Variants in KSR2 observed in about 807,000 individuals in gnomAD.
The protein encoded by KSR2 is kinase suppressor of ras 2.
Under a neutral mutation model 107.8 loss-of-function variants are expected in KSR2, and 25 were observed. The observed-to-expected ratio is 0.23, with a 90% CI of 0.17 to 0.32. The LOEUF is 0.32. KSR2 is among the 10% of genes least tolerant of loss of function. The pLI is 1.00. For synonymous variants in KSR2, 480 were observed against 507.0 expected, an observed-to-expected ratio of 0.95 and a Z score of 0.71; for missense variants, 887 against 1,268.9, an observed-to-expected ratio of 0.70 and a Z score of 4.57.
intron 3 of KSR2, among the ~76,000 whole-genome samples, chr12:117,813,097 C>A (rs1253386321): frequency 6.6e-6 from 1 of 151,768 alleles, no homozygotes; most frequent in Non-Finnish European, 1.5e-5. Context: ...AAGAATGAAA[C>A]CAGACCCCCA....
intron 1 of KSR2, among the ~76,000 whole-genome samples, chr12:117,880,541 A>C (rs547326819): frequency 6.6e-6 from 1 of 152,184 alleles, no homozygotes; most frequent in South Asian, 2.1e-4. Flanking sequence ...CCTGAAGAAA[A>C]TGAGACAAGT....
chr12:117,576,079 GGCTTT>G (rs1879267341), intron 7 of KSR2, among the ~76,000 whole-genome samples: 1 of 152,010 alleles, frequency 6.6e-6, no homozygotes, highest in Non-Finnish European at 1.5e-5. Flanking sequence ...CAGGGCCTAA[GGCTTT>G]GCTCATGACT....
At chr12:117,534,903 G>A (rs967018373) in intron 10 of KSR2, among the ~76,000 whole-genome samples, 1 of 152,164 alleles carries the variant, frequency 6.6e-6, no homozygotes, top group Admixed American at 6.5e-5. Flanking sequence ...AAGGCAAGGA[G>A]ATGGATTCTC....
chr12:117,847,747 A>G (rs757514325), intron 3 of KSR2, among the ~76,000 whole-genome samples: 8 of 151,892 alleles, frequency 5.3e-5, no homozygotes, highest in Non-Finnish European at 1.2e-4. Context: ...CAGCATCCCC[A>G]CTGGGCACCC....
At chr12:117,590,667 C>G (rs1880265994) in intron 5 of KSR2, among the ~76,000 whole-genome samples, 1 of 152,128 alleles carries the variant, frequency 6.6e-6, no homozygotes, top group Non-Finnish European at 1.5e-5. Context: ...GCAAACTTGA[C>G]CCTCAGGCCA....
chr12:117,917,203 T>A (rs1895203934), intron 1 of KSR2, among the ~76,000 whole-genome samples: 1 of 152,196 alleles, frequency 6.6e-6, no homozygotes, highest in South Asian at 2.1e-4. Flanking sequence ...TGATAGATAT[T>A]TAAGTAACAT....
chr12:117,471,832 C>A (rs937164135), intron 17 of KSR2, among the ~76,000 whole-genome samples: 7 of 151,780 alleles, frequency 4.6e-5, no homozygotes, highest in Admixed American at 6.6e-5. Flanking sequence ...TAAAAAAAAG[C>A]AGGATATGAG....
At chr12:117,826,094 G>C (rs1184030768) in intron 3 of KSR2, among the ~76,000 whole-genome samples, 1 of 152,052 alleles carries the variant, frequency 6.6e-6, no homozygotes, top group African/African-American at 2.4e-5. Context: ...TGGAAGGAAG[G>C]AAAGAGCAAA....
chr12:117,750,653 T>A (rs963210059), intron 4 of KSR2, among the ~76,000 whole-genome samples: 1 of 152,120 alleles, frequency 6.6e-6, no homozygotes, highest in Non-Finnish European at 1.5e-5. Flanking sequence ...TTTGTCCCTC[T>A]CCCTTCTCTC....
At chr12:117,849,468 T>G (rs1443791080) in intron 3 of KSR2, among the ~76,000 whole-genome samples, 1 of 152,202 alleles carries the variant, frequency 6.6e-6, no homozygotes, top group East Asian at 1.9e-4. Flanking sequence ...AAGGAAAGGT[T>G]AAGCTATCCT....
chr12:117,746,745 A>AC (rs869227120), intron 4 of KSR2, among the ~76,000 whole-genome samples: 16 of 151,642 alleles, frequency 1.1e-4, no homozygotes, highest in African/African-American at 2.4e-5. Context: ...AGAAAAAAAA[A>AC]CCCCCATCAA....
chr12:117,613,341 C>A (rs1249392604), intron 5 of KSR2, among the ~76,000 whole-genome samples: 1 of 152,198 alleles, frequency 6.6e-6, no homozygotes, highest in Non-Finnish European at 1.5e-5. Context: ...CCCCATTGGC[C>A]TCCCCAGAAT....
intron 7 of KSR2, among the ~76,000 whole-genome samples, chr12:117,566,736 T>C (rs1423353378): frequency 2.0e-5 from 3 of 152,212 alleles, no homozygotes; most frequent in South Asian, 2.1e-4. Context: ...CCAAGGGCTA[T>C]GCTAGGCACT....
intron 3 of KSR2, among the ~76,000 whole-genome samples, chr12:117,763,819 A>C (rs982753195): frequency 6.6e-6 from 1 of 152,146 alleles, no homozygotes; most frequent in Non-Finnish European, 1.5e-5. Context: ...AGGGAGTTGC[A>C]AGAGATGATG....
chr12:117,782,076 G>C (rs773657092), intron 3 of KSR2, among the ~76,000 whole-genome samples: 2 of 152,172 alleles, frequency 1.3e-5, no homozygotes, highest in African/African-American at 2.4e-5. Context: ...AATTCGAATT[G>C]TTCTGTTGAT....
intron 9 of KSR2, among the ~76,000 whole-genome samples, chr12:117,546,806 A>T (rs1181995902): frequency 6.6e-6 from 1 of 152,172 alleles, no homozygotes; most frequent in Non-Finnish European, 1.5e-5. Flanking sequence ...TGTATGTTCT[A>T]AATTTTCTAA....
At chr12:117,826,018 CATGGAGGGATGGATGG>C (rs1891735657) in intron 3 of KSR2, among the ~76,000 whole-genome samples, 2 of 120,284 alleles carry the variant, frequency 1.7e-5, no homozygotes, top group Non-Finnish European at 3.3e-5. Context: ...TGGATGGATG[CATGGAGGGATGGATGG>C]ATGGATGGAT....
At chr12:117,493,698 T>C (rs1322997941) in intron 14 of KSR2, among the ~76,000 whole-genome samples, 7 of 152,180 alleles carry the variant, frequency 4.6e-5, no homozygotes, top group Non-Finnish European at 7.3e-5. Flanking sequence ...GACAGTTACA[T>C]GGTTTGGCTG....
intron 3 of KSR2, among the ~76,000 whole-genome samples, chr12:117,847,865 CAGTTCAATCCTGAAGTCCT>C (rs572121585): frequency 0.012 from 1,892 of 152,214 alleles, 18 homozygotes; most frequent in Non-Finnish European, 0.018. Context: ...CTTCAGGTCT[CAGTTCAATCCTGAAGTCCT>C]GAGAAAGTCC....
Sources: gnomAD v4.1 joint callset for allele counts (sites outside exome capture counted in the v4.1 genomes callset) on GRCh38, gnomAD v4.1.1 for gene constraint, MANE v1.5 for transcripts, NCBI Gene and HGNC (gene_info 2026-07-23, HGNC 2026-07-21) for gene names.